SOD2: variants seen among roughly 807,000 people sequenced by gnomAD.
SOD2 encodes superoxide dismutase [Mn], mitochondrial.
In SOD2, 11 loss-of-function variants were observed where a neutral mutation model predicts 27.0. The observed-to-expected ratio is 0.41, with a 90% confidence interval of 0.26 to 0.67. SOD2 has a LOEUF of 0.67. Ranked by LOEUF, SOD2 falls within the 30% of genes least tolerant of loss-of-function variation. The probability of loss-of-function intolerance (pLI) is 0.34; values close to 1 mark genes in which losing one functional copy is unlikely to be tolerated. For missense variants in SOD2, 250 were observed against 274.5 expected (o/e 0.91, Z 0.63); for synonymous variants, 105 against 103.0 (o/e 1.02, Z -0.12).
upstream of SOD2, among the ~76,000 whole-genome samples, chr6:159,731,304 GA>G (rs974765366): frequency 6.4e-5 from 9 of 141,240 alleles, no homozygotes; most frequent in Non-Finnish European, 9.3e-5. Context: ...CTACTACCAA[GA>G]AAAAAAAAAC....
upstream of SOD2, among the ~76,000 whole-genome samples, chr6:159,730,485 C>G: frequency 6.6e-6 from 1 of 152,046 alleles, no homozygotes; most frequent in East Asian, 1.9e-4. Context: ...CTTCTCGGTA[C>G]ATTCGTGTGG....
chr6:159,755,146 G>A (rs200491272), intron 1 of SOD2: 143 of 1,614,152 alleles, frequency 8.9e-5, no homozygotes, highest in Non-Finnish European at 3.0e-5. Context: ...ACCAGCAGCA[G>A]CAGTCTCAGG....
chr6:159,751,370 C>G (rs1297673675), intron 1 of SOD2, among the ~76,000 whole-genome samples: 1 of 152,138 alleles, frequency 6.6e-6, no homozygotes, highest in Non-Finnish European at 1.5e-5. Flanking sequence ...CTTTAAAATT[C>G]ATATAGTAAG....
In SOD2 at chr6:159,711,882, T is replaced by C. The variant is rs62636459; in HGVS notation, c.-116+15247A>G. ...ATAACCACCAGTCACACTGCTCTGA[T>C]CTCCATAACCACCACTCACATTGCT... is the stretch of plus-strand genomic sequence containing the variant. On this transcript the variant is annotated intron_variant, in intron 1 of 2. Coordinates refer to the SOD2 transcript ENST00000401980. 4.5e-4 allele frequency among the ~76,000 whole-genome samples: 44 copies of C among 98,110 alleles called. 1 individual carries two copies. Among genetic ancestry groups the C allele is most frequent in the Admixed American group, 1.9e-3 (18 of 9,628 alleles). The allele number at this position is 98,110 out of a possible 152,430, so 64.4% of individuals were successfully genotyped here.
intron 1 of SOD2, among the ~76,000 whole-genome samples, chr6:159,733,870 C>G (rs563088696): frequency 2.6e-5 from 4 of 152,110 alleles, no homozygotes; most frequent in Admixed American, 1.3e-4. Flanking sequence ...GAGCCGAGAT[C>G]GCGCCGTTGC....
chr6:159,692,384 T>A (rs988185131), intron 2 of SOD2: 1 of 1,332,418 alleles, frequency 7.5e-7, no homozygotes, highest in Non-Finnish European at 9.7e-7. Flanking sequence ...GCTGGCAATA[T>A]GTGTAACGGA....
chr6:159,713,353 G>A, intron 1 of SOD2: 1 of 652,202 alleles, frequency 1.5e-6, no homozygotes, highest in East Asian at 2.6e-5. Context: ...ACCTCAGCCA[G>A]CCCCTGGCCT....
At chr6:159,755,390 G>A in intron 1 of SOD2, 1 of 1,614,240 alleles carries the variant, frequency 6.2e-7, no homozygotes, top group Non-Finnish European at 8.5e-7. Context: ...AACTGGCAGA[G>A]GAGGTAGTGG....
chr6:159,698,930 C>CT (rs1554260292), intron 1 of SOD2, among the ~76,000 whole-genome samples: 2 of 114,342 alleles, frequency 1.7e-5, no homozygotes, highest in Admixed American at 2.4e-4. Context: ...ATCTTGCTGT[C>CT]TGGGGGGTGG....
intron 1 of SOD2, chr6:159,755,442 C>A: frequency 6.2e-7 from 1 of 1,614,002 alleles, no homozygotes; most frequent in Non-Finnish European, 8.5e-7. Flanking sequence ...AGTGTAGACT[C>A]TCCCACGGGC....
chr6:159,762,069 C>T (rs1285134903), exon 1 of SOD2: 1 of 1,612,234 alleles, frequency 6.2e-7, no homozygotes, highest in Admixed American at 1.7e-5. Context: ...GCAGGGCAGA[C>T]GGCGGCAGGA....
At chr6:159,713,724 A>G in intron 1 of SOD2, 2 of 910,202 alleles carry the variant, frequency 2.2e-6, no homozygotes, top group South Asian at 2.6e-5. Flanking sequence ...ATCCATTTCA[A>G]CACTATTAGA....
At chr6:159,692,886 C>G (rs375506679) in intron 1 of SOD2, 23 bp from the exon 2 acceptor site, 4 of 1,565,664 alleles carry the variant, frequency 2.6e-6, no homozygotes, top group Non-Finnish European at 3.5e-6. Context: ...AAGCACAGCC[C>G]GGTCAGTCAG....
At chr6:159,727,873 A>G (rs756719316), upstream of SOD2, among the ~76,000 whole-genome samples, 3 of 152,190 alleles carry the variant, frequency 2.0e-5, no homozygotes, top group Non-Finnish European at 1.5e-5. Context: ...TGCGGGGAAC[A>G]CTTCCGCCGC....
At chr6:159,751,196 A>C (rs1337689829) in intron 1 of SOD2, among the ~76,000 whole-genome samples, 2 of 152,238 alleles carry the variant, frequency 1.3e-5, no homozygotes, top group Non-Finnish European at 2.9e-5. Context: ...TATTTTACTA[A>C]TCACTAGTTT....
rs1255906046 is a variant in SOD2 at position 159,671,853 on chromosome 6, A to G, written c.*10640T>C. On this transcript the variant is annotated 3_prime_UTR_variant, in exon 5 of 5. Transcript: ENST00000538183. ...AACCTAAAAACCTTGAAAAAAGATT[A>G]GACAAATGGCTAACTAGAATAACCA... 1 of 152,236 alleles carries G rather than the reference A, an allele frequency of 6.6e-6. No individual in the cohort carries two copies. The highest frequency in any genetic ancestry group is 1.5e-5 in the Non-Finnish European group (1 of 68,048). 9.4% of individuals were successfully genotyped at this position (152,236 alleles called of 1,614,324 possible).
chr6:159,737,987 G>A (rs1053899439), intron 1 of SOD2, among the ~76,000 whole-genome samples: 1 of 152,356 alleles, frequency 6.6e-6, no homozygotes, highest in Non-Finnish European at 1.5e-5. Flanking sequence ...CACTGAGCCT[G>A]CTTCATTGTT....
At chr6:159,745,047 C>G (rs1472504212) in intron 1 of SOD2, 2 of 152,206 alleles carry the variant, frequency 1.3e-5, no homozygotes, top group Non-Finnish European at 2.9e-5. Flanking sequence ...TGTTGTAATT[C>G]TTACCACCAC....
intron 1 of SOD2, among the ~76,000 whole-genome samples, chr6:159,750,843 T>TAA (rs200320488): frequency 0.035 from 2,309 of 65,774 alleles, 60 homozygotes; most frequent in African/African-American, 0.088. Context: ...GCTCAGGCAA[T>TAA]CCCGTCTGGA....
Sources: gnomAD v4.1 joint callset for allele counts (sites outside exome capture counted in the v4.1 genomes callset) on GRCh38, gnomAD v4.1.1 for gene constraint, MANE v1.5 for transcripts, NCBI Gene and HGNC (gene_info 2026-07-23, HGNC 2026-07-21) for gene names.